FLRT1: variants seen among roughly 807,000 people sequenced by gnomAD.
The protein encoded by FLRT1 is fibronectin leucine rich transmembrane protein 1.
A neutral mutation model predicts 30.9 loss-of-function variants in FLRT1; 14 were observed. That is an observed-to-expected ratio of 0.45 (90% confidence interval 0.30 to 0.71). FLRT1 has a LOEUF of 0.71. Ranked by LOEUF, FLRT1 falls within the 30% of genes least tolerant of loss-of-function variation. The pLI is 0.08. For synonymous variants in FLRT1, 368 were observed against 430.4 expected, an observed-to-expected ratio of 0.85 and a Z score of 1.80; for missense variants, 737 against 949.2, an observed-to-expected ratio of 0.78 and a Z score of 2.94.
chr11:64,059,761 G>C (rs1943861284), intron 1 of FLRT1, among the ~76,000 whole-genome samples: 1 of 152,226 alleles, frequency 6.6e-6, no homozygotes, highest in Non-Finnish European at 1.5e-5. Context: ...CTCTGAGTCC[G>C]GGTCTATTCC....
intron 1 of FLRT1, among the ~76,000 whole-genome samples, chr11:64,072,312 G>C (rs1033084071): frequency 6.6e-6 from 1 of 152,216 alleles, no homozygotes; most frequent in Non-Finnish European, 1.5e-5. Context: ...GTAGCAGCCT[G>C]TGGCTGCACC....
chr11:64,088,089 G>C (rs1944426093), intron 1 of FLRT1, among the ~76,000 whole-genome samples: 1 of 152,150 alleles, frequency 6.6e-6, no homozygotes, highest in South Asian at 2.1e-4. Context: ...ATAGGCACTT[G>C]GCCCCTCTAT....
At chr11:64,098,182 A>G (rs1240903479) in intron 1 of FLRT1, among the ~76,000 whole-genome samples, 1 of 152,112 alleles carries the variant, frequency 6.6e-6, no homozygotes, top group East Asian at 1.9e-4. Context: ...ACGCTCCTCC[A>G]TGCCTCGGCA....
intron 1 of FLRT1, among the ~76,000 whole-genome samples, chr11:64,095,844 G>A (rs968762278): frequency 6.6e-6 from 1 of 152,208 alleles, no homozygotes; most frequent in Non-Finnish European, 1.5e-5. Flanking sequence ...GACCTGAATG[G>A]AGGAGCGCGA....
At chr11:64,093,321 G>A (rs954773750) in intron 1 of FLRT1, among the ~76,000 whole-genome samples, 3 of 152,238 alleles carry the variant, frequency 2.0e-5, no homozygotes, top group African/African-American at 7.2e-5. Context: ...TGTTGTCACT[G>A]CTGCGGACAC....
intron 1 of FLRT1, among the ~76,000 whole-genome samples, chr11:64,089,381 G>A (rs1012564724): frequency 6.6e-6 from 1 of 152,182 alleles, no homozygotes; most frequent in Admixed American, 6.5e-5. Flanking sequence ...CTAGACCTGG[G>A]GCAGGAGGCT....
intron 2 of FLRT1, among the ~76,000 whole-genome samples, chr11:64,113,750 AT>A (rs1369968977): frequency 2.1e-5 from 3 of 144,050 alleles, no homozygotes; most frequent in Non-Finnish European, 3.0e-5. Context: ...GGATGGATGG[AT>A]GGACGGACAG....
At chr11:64,086,090 G>T (rs1324674775) in intron 1 of FLRT1, among the ~76,000 whole-genome samples, 3 of 152,180 alleles carry the variant, frequency 2.0e-5, no homozygotes, top group Non-Finnish European at 4.4e-5. Flanking sequence ...GAGCTGAGTC[G>T]GCTGGGCCAG....
chr11:64,055,710 G>A (rs2063771592), intron 1 of FLRT1, among the ~76,000 whole-genome samples: 1 of 152,220 alleles, frequency 6.6e-6, no homozygotes, highest in African/African-American at 2.4e-5. Flanking sequence ...TGGATGGATG[G>A]ATGGATGATG....
chr11:64,112,605 G>A (rs1468771307), intron 2 of FLRT1, among the ~76,000 whole-genome samples: 2 of 151,130 alleles, frequency 1.3e-5, no homozygotes, highest in East Asian at 3.8e-4. Flanking sequence ...GGAACTGAGA[G>A]GAGTATCTGG....
intron 1 of FLRT1, among the ~76,000 whole-genome samples, chr11:64,050,756 T>C (rs964691237): frequency 2.0e-5 from 3 of 152,192 alleles, no homozygotes; most frequent in African/African-American, 7.2e-5. Flanking sequence ...GTAGCTGGGA[T>C]TACAGGCGCA....
chr11:64,075,685 T>A (rs951391398), intron 1 of FLRT1, among the ~76,000 whole-genome samples: 1 of 152,216 alleles, frequency 6.6e-6, no homozygotes, highest in Non-Finnish European at 1.5e-5. Context: ...CTGCTTCTTT[T>A]TTTTGAGATG....
intron 2 of FLRT1, among the ~76,000 whole-genome samples, chr11:64,108,174 G>A (rs796196979): frequency 1.3e-5 from 2 of 152,074 alleles, no homozygotes; most frequent in East Asian, 1.9e-4. Flanking sequence ...TTAGTGGGGC[G>A]TGGTGGTGCA....
intron 1 of FLRT1, among the ~76,000 whole-genome samples, chr11:64,053,639 G>A (rs1444412391): frequency 6.6e-6 from 1 of 152,162 alleles, no homozygotes; most frequent in Non-Finnish European, 1.5e-5. Context: ...TCTACAGGGG[G>A]CAGCTGGCTC....
At chr11:64,059,624 C>A (rs1047586823) in intron 1 of FLRT1, among the ~76,000 whole-genome samples, 1 of 152,284 alleles carries the variant, frequency 6.6e-6, no homozygotes, top group Non-Finnish European at 1.5e-5. Flanking sequence ...GGTACCTGGA[C>A]TCTTGGATGG....
At chr11:64,072,538 CTAA>C (rs1181062752) in intron 1 of FLRT1, among the ~76,000 whole-genome samples, 31 of 152,350 alleles carry the variant, frequency 2.0e-4, no homozygotes, top group African/African-American at 6.7e-4. Context: ...GCCACAGAAA[CTAA>C]TAACATAGCA....
intron 1 of FLRT1, among the ~76,000 whole-genome samples, chr11:64,058,809 C>G (rs1035545292): frequency 6.6e-6 from 1 of 152,104 alleles, no homozygotes; most frequent in Admixed American, 6.5e-5. Flanking sequence ...TCCTCTCTGA[C>G]GGGTGGGAGG....
intron 1 of FLRT1, among the ~76,000 whole-genome samples, chr11:64,081,535 C>T (rs566098589): frequency 4.7e-4 from 71 of 152,236 alleles, no homozygotes; most frequent in African/African-American, 1.5e-3. Context: ...AACACCCCCC[C>T]GACCCCATCG....
At chr11:64,065,615 CA>C (rs1345543585) in intron 1 of FLRT1, among the ~76,000 whole-genome samples, 2 of 111,196 alleles carry the variant, frequency 1.8e-5, no homozygotes, top group Non-Finnish European at 4.7e-5. Flanking sequence ...CGGTGAAACC[CA>C]GTCTCTACTA....
Sources: allele counts gnomAD v4.1 joint callset (sites outside exome capture counted in the v4.1 genomes callset), GRCh38; gene constraint gnomAD v4.1.1; transcripts MANE v1.5; gene names NCBI Gene and HGNC (gene_info 2026-07-23, HGNC 2026-07-21).